CPXM2: variants seen among roughly 807,000 people sequenced by gnomAD.
CPXM2 encodes carboxypeptidase X, M14 family member 2.
A neutral mutation model predicts 86.1 loss-of-function variants in CPXM2; 66 were observed. That is an observed-to-expected ratio of 0.77 (90% CI 0.63 to 0.94). The LOEUF (loss-of-function observed/expected upper bound fraction) is 0.94, where lower values mean the gene tolerates loss of function less well. Among genes scored for constraint, CPXM2 ranks in the 40% least tolerant of loss-of-function variants. CPXM2 has a pLI of 0.00. For synonymous variants in CPXM2, 388 were observed against 400.2 expected, an observed-to-expected ratio of 0.97 and a Z score of 0.36; for missense variants, 948 against 1,026.3, an observed-to-expected ratio of 0.92 and a Z score of 1.04.
chr10:123,943,222 T>C (rs1439730247), upstream of CPXM2, among the ~76,000 whole-genome samples: 3 of 142,460 alleles, frequency 2.1e-5, no homozygotes, highest in Non-Finnish European at 4.6e-5. Flanking sequence ...ACCATACTAT[T>C]GCTTTCCTCA....
rs900432174 is a variant in CPXM2, at chr10:123,752,254, A to T, written c.2017+2409T>A. 15 of 985,282 alleles carry T rather than the reference A, an allele frequency of 1.5e-5. No homozygotes were observed. In the Admixed American group the frequency reaches 9.2e-4, roughly 61 times the overall value. 61.0% of individuals were successfully genotyped at this position (985,282 alleles called of 1,614,324 possible). On this transcript the variant is annotated intron_variant, in intron 13 of 13. Transcript: ENST00000241305. The stretch of plus-strand genomic sequence containing the variant: ...ATTAATTAAGGAATAGTGAATAAAT[A>T]TATGAAAAAAATGAACACCTATGAG...
intron 2 of CPXM2, among the ~76,000 whole-genome samples, chr10:123,923,442 G>T (rs565569481): frequency 6.6e-6 from 1 of 150,468 alleles, no homozygotes; most frequent in African/African-American, 2.5e-5. Context: ...TTAGCCGGGC[G>T]TGGTGGCGGG....
intron 2 of CPXM2, among the ~76,000 whole-genome samples, chr10:123,897,868 G>C (rs1313632689): frequency 6.6e-6 from 1 of 152,246 alleles, no homozygotes; most frequent in Non-Finnish European, 1.5e-5. Context: ...CCATGCTCTG[G>C]CCCAGAATCA....
Position 123,842,430 on chromosome 10 carries a change from A to T in CPXM2, c.572T>A (p.Leu191His). ...AGCATCCACTTCAATCCACTGCTGG[A>T]GGTCATTTCTTCCCGCGCACCACGC... is the stretch of plus-strand genomic sequence containing the variant. ...DGAWCAGRND[L>H]QQWIEVDARR... The change falls in exon 4 of 14, where the codon CTC (leucine) becomes CAC (histidine). Residue 191 changes from leucine (L) to histidine (H), a missense_variant. Physicochemically the swap from Leu to His is moderately conservative, Grantham distance 99. Transcript: ENST00000241305. 6.2e-7 allele frequency: 1 copy of T among 1,614,222 alleles called. No homozygotes were observed. The highest frequency in any genetic ancestry group is 8.5e-7 in the Non-Finnish European group (1 of 1,180,038).
upstream of CPXM2, among the ~76,000 whole-genome samples, chr10:123,893,648 C>T (rs1945309204): frequency 6.6e-6 from 1 of 152,070 alleles, no homozygotes; most frequent in African/African-American, 2.4e-5. Context: ...TCTTTGCTCC[C>T]CAACCCTTCC....
intron 11 of CPXM2, among the ~76,000 whole-genome samples, chr10:123,760,063 G>A (rs1227272554): frequency 6.6e-6 from 1 of 152,198 alleles, no homozygotes. Context: ...TCAGGAAGAT[G>A]AATGATTAAA....
At chr10:123,815,023 T>TA (rs886437003) in intron 4 of CPXM2, among the ~76,000 whole-genome samples, 5 of 152,076 alleles carry the variant, frequency 3.3e-5, no homozygotes, top group Non-Finnish European at 7.4e-5. Flanking sequence ...GGACCTCGTC[T>TA]AAAAAAGAAA....
intron 4 of CPXM2, among the ~76,000 whole-genome samples, chr10:123,814,406 G>A (rs749031771): frequency 3.9e-4 from 59 of 152,154 alleles, no homozygotes; most frequent in African/African-American, 1.4e-3. Flanking sequence ...CTTCAGTTTT[G>A]GGACTCAGAC....
intron 4 of CPXM2, among the ~76,000 whole-genome samples, chr10:123,809,095 T>G (rs1206381436): frequency 2.0e-5 from 3 of 152,168 alleles, no homozygotes; most frequent in African/African-American, 7.2e-5. Flanking sequence ...AGCACATCCA[T>G]GCTGTAGAGG....
chr10:123,877,194 A>G (rs1945002448), intron 2 of CPXM2, among the ~76,000 whole-genome samples: 1 of 152,256 alleles, frequency 6.6e-6, no homozygotes, highest in Non-Finnish European at 1.5e-5. Context: ...ATGGTAAATA[A>G]CATGGCATAA....
At chr10:123,878,442 G>A (rs755256154) in intron 2 of CPXM2, among the ~76,000 whole-genome samples, 39 of 151,434 alleles carry the variant, frequency 2.6e-4, no homozygotes, top group Non-Finnish European at 5.4e-4. Context: ...AAAGCCATGG[G>A]AGCAATCCTG....
chr10:123,805,060 A>G (rs1291423759), intron 4 of CPXM2, among the ~76,000 whole-genome samples: 7 of 152,062 alleles, frequency 4.6e-5, no homozygotes, highest in Admixed American at 3.3e-4. Context: ...GAGGACATCC[A>G]TCTGCTTTCA....
At chr10:123,752,485 T>C (rs1316153209) in intron 13 of CPXM2, 1 of 985,312 alleles carries the variant, frequency 1.0e-6, no homozygotes, top group African/African-American at 1.7e-5. Context: ...TTTACATATT[T>C]GGTCTTTTAT....
At chr10:123,833,575 A>G (rs544656432) in intron 4 of CPXM2, among the ~76,000 whole-genome samples, 56 of 152,292 alleles carry the variant, frequency 3.7e-4, no homozygotes, top group African/African-American at 1.3e-3. Context: ...ATGTGTCCAG[A>G]CCGCACTCAT....
intron 7 of CPXM2, among the ~76,000 whole-genome samples, chr10:123,774,481 C>T (rs769151170): frequency 2.0e-5 from 3 of 152,180 alleles, no homozygotes; most frequent in Non-Finnish European, 4.4e-5. Flanking sequence ...AGTTATATGG[C>T]TGTGTGCTTC....
chr10:123,746,724 T>C lies in CPXM2; in HGVS notation c.*40A>G. ...TGGAGCTACTACCAGGTTGGTTTAA[T>C]TTGCATGGGTCCCAGACGAGTCTCA... On this transcript the variant is annotated 3_prime_UTR_variant, in exon 14 of 14. Transcript: ENST00000241305. 1 of 1,603,722 alleles carries C rather than the reference T, an allele frequency of 6.2e-7. No individual in the cohort carries two copies. Among genetic ancestry groups the C allele is most frequent in the Non-Finnish European group, 8.5e-7 (1 of 1,174,670 alleles).
At position 123,782,321 on chromosome 10, in the gene CPXM2, C is replaced by T. The variant is rs78278406; in HGVS notation, c.890-2066G>A. ...TTCAACACGCCCTAAACCTCGGGGG[C>T]GTCTTTTCAAAGGACTTTAAAGCCC... On this transcript the variant is annotated intron_variant, in intron 6 of 13. Coordinates refer to ENST00000241305, the MANE Select transcript of CPXM2 (RefSeq NM_198148.3). 1.8e-3 allele frequency among the ~76,000 whole-genome samples: 276 copies of T among 152,308 alleles called. 2 individuals carry two copies. The highest frequency in any genetic ancestry group is 6.0e-3 in the African/African-American group (249 of 41,572).
chr10:123,918,609 A>T (rs1223621592), intron 2 of CPXM2, among the ~76,000 whole-genome samples: 3 of 152,200 alleles, frequency 2.0e-5, no homozygotes, highest in South Asian at 2.1e-4. Context: ...CTGGCCAGAA[A>T]ATCAGAAGGG....
chr10:123,822,985 G>C (rs1185760325), intron 4 of CPXM2, among the ~76,000 whole-genome samples: 1 of 152,108 alleles, frequency 6.6e-6, no homozygotes, highest in Non-Finnish European at 1.5e-5. Flanking sequence ...AAACTGCTGA[G>C]TTGTACACAT....
Sources: allele counts gnomAD v4.1 joint callset (sites outside exome capture counted in the v4.1 genomes callset), GRCh38; gene constraint gnomAD v4.1.1; transcripts MANE v1.5; gene names NCBI Gene and HGNC (gene_info 2026-07-23, HGNC 2026-07-21).